ASTL: variants seen among roughly 807,000 people sequenced by gnomAD.
The protein encoded by ASTL is astacin like metalloendopeptidase.
A neutral mutation model predicts 36.7 loss-of-function variants in ASTL; 27 were observed. The observed-to-expected ratio is 0.73, with a 90% confidence interval of 0.54 to 1.01. ASTL has a LOEUF of 1.01. Ranked by LOEUF, ASTL falls within the 50% of genes least tolerant of loss-of-function variation. ASTL has a pLI of 0.00. For missense variants in ASTL, 524 were observed against 572.8 expected (o/e 0.91, Z 0.87); for synonymous variants, 222 against 228.1 (o/e 0.97, Z 0.24).
rs1682004262 is a variant in ASTL, at chr2:96,123,736, G to A, written c.*114C>T. The A allele has an allele frequency of 3.8e-6, 3 of 793,206 alleles. No individual in the cohort carries two copies. In the Admixed American group the frequency reaches 7.1e-5, roughly 19 times the overall value. The allele number at this position is 793,206 out of a possible 1,614,324, so 49.1% of individuals were successfully genotyped here. A position where few individuals can be genotyped will look rare whatever the true frequency, so the allele number is the denominator to read the frequency against. On this transcript the variant is annotated 3_prime_UTR_variant, in exon 9 of 9. Coordinates refer to ENST00000342380, the MANE Select transcript of ASTL (RefSeq NM_001002036.4). ...GAAGAGTCCTGGCCCTCTGAGATGG[G>A]GTGGTAGGTTGGGGCTGGAAGACAG...
At chr2:96,137,363 G>A (rs936359029) in intron 2 of ASTL, among the ~76,000 whole-genome samples, 10 of 152,148 alleles carry the variant, frequency 6.6e-5, no homozygotes, top group African/African-American at 1.7e-4. Flanking sequence ...CCAGCTGCTC[G>A]GGAGGCAGAG....
chr2:96,123,733 T>G lies in ASTL; in HGVS notation c.*117A>C, dbSNP rs1173786654. 3.9e-6 allele frequency: 3 copies of G among 770,372 alleles called. No homozygotes were observed. The highest frequency in any genetic ancestry group is 1.7e-5 in the South Asian group (1 of 58,414). The allele number at this position is 770,372 out of a possible 1,614,324, so 47.7% of individuals were successfully genotyped here. A position where few individuals can be genotyped will look rare whatever the true frequency, so the allele number is the denominator to read the frequency against. ...GGGGAAGAGTCCTGGCCCTCTGAGA[T>G]GGGGTGGTAGGTTGGGGCTGGAAGA... On this transcript the variant is annotated 3_prime_UTR_variant, in exon 9 of 9. Coordinates refer to ENST00000342380, the MANE Select transcript of ASTL (RefSeq NM_001002036.4).
chr2:96,128,198 C>CT (rs941892862), intron 8 of ASTL, among the ~76,000 whole-genome samples: 1 of 150,014 alleles, frequency 6.7e-6, no homozygotes, highest in Non-Finnish European at 1.5e-5. Flanking sequence ...TGCCATTGCA[C>CT]TCCAGCCTGG....
Position 96,132,319 on chromosome 2 carries a change from C to G in ASTL, c.637+221G>C, listed in dbSNP as rs1682196648. Among the ~76,000 whole-genome samples the G allele has an allele frequency of 6.6e-6, 1 of 152,198 alleles. No individual in the cohort carries two copies. Among genetic ancestry groups the G allele is most frequent in the South Asian group, 2.1e-4 (1 of 4,832 alleles). On this transcript the variant is annotated intron_variant, in intron 6 of 8. Coordinates refer to ENST00000342380, the MANE Select transcript of ASTL (RefSeq NM_001002036.4). The surrounding 1 kb of genome is among the most constrained non-coding windows in gnomAD (Gnocchi z 5.4). ...TGGTGGCGCCCTAGCTAAGGCACAA[C>G]TACAGGTGGGTAGAGGAAGGCCTGG...
At position 96,123,711 on chromosome 2, in the gene ASTL, GAA is replaced by G. The variant is rs1682003570; in HGVS notation, c.*137_*138del. ...GGGAACACAGTGAAGAGAGACAGGGGAAGAGTCCTGGCCCTCTGAGATGGGGT... is the reference window on the plus strand; with the variant it reads ...GGGAACACAGTGAAGAGAGACAGGGGGAGTCCTGGCCCTCTGAGATGGGGT... On this transcript the variant is annotated 3_prime_UTR_variant, in exon 9 of 9. Transcript: ENST00000342380. The G allele has an allele frequency of 3.0e-6, 2 of 664,892 alleles. No individual in the cohort carries two copies. The highest frequency in any genetic ancestry group is 5.3e-5 in the East Asian group (2 of 37,444). 41.2% of individuals were successfully genotyped at this position (664,892 alleles called of 1,614,324 possible).
chr2:96,131,557 T>G (rs904784073), intron 6 of ASTL, among the ~76,000 whole-genome samples: 1 of 152,144 alleles, frequency 6.6e-6, no homozygotes, highest in African/African-American at 2.4e-5. Context: ...GAGTCACTTG[T>G]CACCCCCCTC....
At chr2:96,137,744 C>A (rs1368385824) in intron 1 of ASTL, 44 bp from the exon 2 acceptor site, 13 of 1,584,322 alleles carry the variant, frequency 8.2e-6, no homozygotes, top group Non-Finnish European at 1.1e-5. Flanking sequence ...CTGGAGCACC[C>A]ACCGGTGAGA....
rs1375011610 is a variant in ASTL, at chr2:96,138,454, C to A, written c.-18G>T. ...CCCTCCATGGTAGAGCCCTGCTGCC[C>A]CTTCAGCAAACAAGACCAAGCCCCA... On this transcript the variant is annotated 5_prime_UTR_variant, in exon 1 of 9. Transcript: ENST00000342380. 4 of 1,604,694 alleles carry A rather than the reference C, an allele frequency of 2.5e-6. No homozygotes were observed. Among genetic ancestry groups the A allele is most frequent in the Non-Finnish European group, 3.4e-6 (4 of 1,175,070 alleles).
At position 96,124,362 on chromosome 2, in the gene ASTL, G is replaced by C; in HGVS notation, c.875-91C>G. 8.1e-7 allele frequency: 1 copy of C among 1,231,336 alleles called. No homozygotes were observed. Among genetic ancestry groups the C allele is most frequent in the Non-Finnish European group, 1.1e-6 (1 of 927,364 alleles). The allele number at this position is 1,231,336 out of a possible 1,614,324, so 76.3% of individuals were successfully genotyped here. Reference sequence around the variant, plus strand: ...GACCCAGAGCTGGCTCAGCTCACAGGAGTGGTGCCCACCCATGCCACGGCC... The same window carrying C: ...GACCCAGAGCTGGCTCAGCTCACAGCAGTGGTGCCCACCCATGCCACGGCC... On this transcript the variant is annotated intron_variant, in intron 8 of 8. Coordinates refer to ENST00000342380, the MANE Select transcript of ASTL (RefSeq NM_001002036.4). The surrounding 1 kb of genome is among the most constrained non-coding windows in gnomAD (Gnocchi z 4.1).
chr2:96,133,716 G>A (rs1682233987), intron 4 of ASTL, 174 bp from the exon 5 acceptor site: 2 of 635,860 alleles, frequency 3.1e-6, no homozygotes, highest in Non-Finnish European at 5.6e-6. Context: ...GTGGCCTTGG[G>A]TAGGTCACTG....
intron 3 of ASTL, among the ~76,000 whole-genome samples, chr2:96,134,799 C>T (rs1156563844): frequency 6.6e-6 from 1 of 152,228 alleles, no homozygotes; most frequent in African/African-American, 2.4e-5. Flanking sequence ...GAGCCTTCTG[C>T]CATTCGCAGT....
At position 96,138,475 on chromosome 2, in the gene ASTL, C is replaced by A; in HGVS notation, c.-39G>T. On this transcript the variant is annotated 5_prime_UTR_variant, in exon 1 of 9. Transcript: ENST00000342380. ...TGCCCCTTCAGCAAACAAGACCAAG[C>A]CCCAGCAAGACACAGTAACCTAATT... 1.3e-6 allele frequency: 2 copies of A among 1,576,618 alleles called. No homozygotes were observed. Among genetic ancestry groups the A allele is most frequent in the Non-Finnish European group, 1.7e-6 (2 of 1,153,206 alleles).
intron 8 of ASTL, among the ~76,000 whole-genome samples, chr2:96,127,633 G>A (rs977132340): frequency 6.6e-6 from 1 of 151,906 alleles, no homozygotes; most frequent in African/African-American, 2.4e-5. Flanking sequence ...GAGTGCAGTG[G>A]CACGATCTTG....
chr2:96,129,238 T>G (rs1682121129), intron 8 of ASTL, among the ~76,000 whole-genome samples: 1 of 152,342 alleles, frequency 6.6e-6, no homozygotes, highest in Admixed American at 6.5e-5. Context: ...GCTGTCAGAT[T>G]TATTCCTTGG....
At chr2:96,130,586 T>C (rs1682155121) in intron 6 of ASTL, among the ~76,000 whole-genome samples, 1 of 151,814 alleles carries the variant, frequency 6.6e-6, no homozygotes, top group African/African-American at 2.4e-5. Context: ...TAGTCCCCAG[T>C]CACAGGCCCA....
At chr2:96,129,740 C>T in intron 8 of ASTL, 84 bp downstream of exon 8, 1 of 1,364,554 alleles carries the variant, frequency 7.3e-7, no homozygotes, top group Non-Finnish European at 9.9e-7. Context: ...GCAACCTCAT[C>T]TCCCTCCTTG....
At chr2:96,133,582 G>A (rs1351911991) in intron 4 of ASTL, 40 bp from the exon 5 acceptor site, 1 of 1,456,810 alleles carries the variant, frequency 6.9e-7, no homozygotes, top group Admixed American at 1.7e-5. Flanking sequence ...GAGCCCTGGT[G>A]GTCTTTGAGC....
chr2:96,133,340 G>T, intron 5 of ASTL, 85 bp downstream of exon 5: 1 of 992,670 alleles, frequency 1.0e-6, no homozygotes, highest in Non-Finnish European at 1.6e-6. Flanking sequence ...GATGGGCCCA[G>T]GAATACATTT....
At chr2:96,127,662 C>T (rs1016127625) in intron 8 of ASTL, among the ~76,000 whole-genome samples, 1 of 151,988 alleles carries the variant, frequency 6.6e-6, no homozygotes, top group African/African-American at 2.4e-5. Flanking sequence ...CAACCTCCGC[C>T]TCCCAGGTTC....
Sources: allele counts gnomAD v4.1 joint callset (sites outside exome capture counted in the v4.1 genomes callset), GRCh38; gene constraint gnomAD v4.1.1; non-coding constraint Gnocchi (gnomAD v3.1); transcripts MANE v1.5; gene names NCBI Gene and HGNC (gene_info 2026-07-23, HGNC 2026-07-21).